SMPX: variants seen among roughly 807,000 people sequenced by gnomAD.
The protein encoded by SMPX is small muscle protein X-linked.
A neutral mutation model predicts 6.3 loss-of-function variants in SMPX; 2 were observed. That is an observed-to-expected ratio of 0.32 (90% CI 0.13 to 0.99). SMPX has a LOEUF of 0.99. Ranked by LOEUF, SMPX falls within the 50% of genes least tolerant of loss-of-function variation. The pLI is 0.49. For missense variants in SMPX, 60 were observed against 66.8 expected (o/e 0.90, Z 0.36); for synonymous variants, 32 against 24.7 (o/e 1.30, Z -0.88).
At chrX:21,724,096 G>C (rs1403657963) in intron 4 of SMPX, among the ~76,000 whole-genome samples, 1 of 111,718 alleles carries the variant, frequency 9.0e-6, no homozygotes, top group Non-Finnish European at 1.9e-5. Context: ...TGACTCCCAG[G>C]CTCTCTCTCT....
At chrX:21,745,162 C>A (rs888438704) in intron 2 of SMPX, among the ~76,000 whole-genome samples, 1 of 111,997 alleles carries the variant, frequency 8.9e-6, no homozygotes, top group Non-Finnish European at 1.9e-5. Context: ...CATTGTGGAG[C>A]CATTCCTAGT....
At chrX:21,712,026 GCAAGCTACAACTAAGGCTTGTAAGGAA>G (rs2147371136) in intron 4 of SMPX, among the ~76,000 whole-genome samples, 1 of 112,100 alleles carries the variant, frequency 8.9e-6, no homozygotes, top group East Asian at 2.8e-4. Context: ...GGAAGGTGGT[GCAAGCTACAACTAAGGCTTGTAAGGAA>G]CAACACACAC....
chrX:21,737,526 AAAG>A lies in SMPX; in HGVS notation c.*14+20_*14+22del, dbSNP rs1256703131. The A allele has an allele frequency of 4.2e-6, 5 of 1,188,224 alleles. No homozygotes were observed. The highest frequency in any genetic ancestry group is 5.7e-6 in the Non-Finnish European group (5 of 876,470). On this transcript the variant is annotated intron_variant, in intron 4 of 4. Transcript: ENST00000379494. Reference sequence around the variant, plus strand: ...CATTTTACAGAGGACTTTTTGAGACAAAGAAGATAGTTTTTCACTCACCTTTTT... The same window carrying A: ...CATTTTACAGAGGACTTTTTGAGACAAAGATAGTTTTTCACTCACCTTTTT...
intron 4 of SMPX, among the ~76,000 whole-genome samples, chrX:21,717,311 C>A (rs912613446): frequency 2.7e-5 from 3 of 112,118 alleles, no homozygotes; most frequent in Non-Finnish European, 3.8e-5. Context: ...CTTCCTGCAT[C>A]ATGTGAAGAA....
At position 21,750,671 on chromosome X, in the gene SMPX, A is replaced by G. The variant is rs546832902; in HGVS notation, c.45+3575T>C. Among the ~76,000 whole-genome samples, 37 of 112,022 alleles carry G rather than the reference A, an allele frequency of 3.3e-4. No individual in the cohort carries two copies. In the South Asian group the frequency reaches 0.013, roughly 40 times the overall value. On this transcript the variant is annotated intron_variant, in intron 2 of 4. Coordinates refer to ENST00000379494, the MANE Select transcript of SMPX (RefSeq NM_014332.3). ...TGGCAGAGATTTAACTAATACAACTAAAGAGAAGTGTAGGATTAGAATCCC... is the reference window on the plus strand; with the variant it reads ...TGGCAGAGATTTAACTAATACAACTGAAGAGAAGTGTAGGATTAGAATCCC...
chrX:21,726,746 G>C (rs1266647994), intron 4 of SMPX, among the ~76,000 whole-genome samples: 1 of 112,206 alleles, frequency 8.9e-6, no homozygotes, highest in East Asian at 2.8e-4. Context: ...ATTCCTCAGG[G>C]TGGACAGCAG....
intron 4 of SMPX, among the ~76,000 whole-genome samples, chrX:21,735,600 C>A (rs1299743338): frequency 8.9e-6 from 1 of 112,078 alleles, no homozygotes; most frequent in Non-Finnish European, 1.9e-5. Flanking sequence ...ACTGCGAGAT[C>A]CTCTCTAAGC....
intron 4 of SMPX, among the ~76,000 whole-genome samples, chrX:21,717,124 A>T (rs763773372): frequency 9.0e-6 from 1 of 111,331 alleles, no homozygotes; most frequent in African/African-American, 3.3e-5. Flanking sequence ...CTGTGCCCCC[A>T]CCCAAATCTC....
chrX:21,741,812 G>A (rs747879430), intron 3 of SMPX, among the ~76,000 whole-genome samples: 6 of 111,872 alleles, frequency 5.4e-5, no homozygotes, highest in Non-Finnish European at 9.4e-5. Context: ...AACATCCCTG[G>A]GGTCTTTGTG....
chrX:21,731,598 TA>T (rs759309241), intron 4 of SMPX, among the ~76,000 whole-genome samples: 2 of 95,642 alleles, frequency 2.1e-5, no homozygotes, highest in African/African-American at 3.7e-5. Context: ...ATGTACACAT[TA>T]ATGTGTATAT....
intron 3 of SMPX, among the ~76,000 whole-genome samples, chrX:21,741,234 T>C (rs2092815702): frequency 8.9e-6 from 1 of 112,049 alleles, no homozygotes; most frequent in Non-Finnish European, 1.9e-5. Flanking sequence ...TCCTTCTGAG[T>C]TTAGATGGGG....
chrX:21,717,662 G>T (rs1349835767), intron 4 of SMPX, among the ~76,000 whole-genome samples: 1 of 112,226 alleles, frequency 8.9e-6, no homozygotes, highest in Non-Finnish European at 1.9e-5. Context: ...TGGAACTTAA[G>T]ATCTAGAAGG....
intron 4 of SMPX, among the ~76,000 whole-genome samples, chrX:21,730,202 G>A (rs1246444156): frequency 1.8e-5 from 2 of 111,978 alleles, no homozygotes; most frequent in Non-Finnish European, 3.8e-5. Context: ...AAACCACAGA[G>A]AAGACATTTG....
At chrX:21,729,291 T>C (rs2092800790) in intron 4 of SMPX, among the ~76,000 whole-genome samples, 1 of 113,004 alleles carries the variant, frequency 8.8e-6, no homozygotes, top group East Asian at 2.8e-4. Flanking sequence ...CGCAGCAAGC[T>C]GGACCTAACA....
Position 21,718,443 on chromosome X carries a change from A to T in SMPX, c.*15-12049T>A, listed in dbSNP as rs753142108. ...TTTCAGTTCCAGATCTCAAACTTCC[A>T]TCGAGGGCTGAGGAAAATTCCCACA... On this transcript the variant is annotated intron_variant, in intron 4 of 4. Transcript: ENST00000379494. Among the ~76,000 whole-genome samples the T allele has an allele frequency of 4.0e-4, 45 of 112,186 alleles. No individual in the cohort carries two copies. The Middle Eastern group carries it at 0.014, about 34-fold the overall frequency.
chrX:21,717,051 T>C (rs2092786052), intron 4 of SMPX, among the ~76,000 whole-genome samples: 1 of 111,915 alleles, frequency 8.9e-6, no homozygotes, highest in Admixed American at 9.4e-5. Flanking sequence ...GCTGTACCTG[T>C]TTACAATATA....
chrX:21,731,456 ATG>A (rs1258887425), intron 4 of SMPX, among the ~76,000 whole-genome samples: 2 of 82,888 alleles, frequency 2.4e-5, no homozygotes, highest in Admixed American at 2.5e-4. Flanking sequence ...CATACACATA[ATG>A]TGTGTATGTG....
At chrX:21,733,743 T>C (rs754312031) in intron 4 of SMPX, 3 of 327,424 alleles carry the variant, frequency 9.2e-6, no homozygotes, top group African/African-American at 7.9e-5. Flanking sequence ...TTGATATCAC[T>C]GAGTTCTTTT....
chrX:21,710,571 A>G (rs1212752896), intron 4 of SMPX, among the ~76,000 whole-genome samples: 1 of 112,209 alleles, frequency 8.9e-6, no homozygotes, highest in Non-Finnish European at 1.9e-5. Context: ...TTTTTTAAAA[A>G]CAGAGAAATC....
Sources: allele counts gnomAD v4.1 joint callset (sites outside exome capture counted in the v4.1 genomes callset), GRCh38; gene constraint gnomAD v4.1.1; transcripts MANE v1.5; gene names NCBI Gene and HGNC (gene_info 2026-07-23, HGNC 2026-07-21).